The following SMG6 variants were observed in gnomAD, a reference collection of about 807,000 sequenced individuals.
SMG6 encodes the protein SMG6 nonsense mediated mRNA decay factor, also known as telomerase-binding protein EST1A.
Under a neutral mutation model 142.2 loss-of-function variants are expected in SMG6, and 66 were observed. The ratio of observed to expected loss-of-function variants is 0.46; its 90% CI spans 0.38 to 0.57. The LOEUF (loss-of-function observed/expected upper bound fraction) is 0.57. Among genes scored for constraint, SMG6 ranks in the 20% least tolerant of loss-of-function variants. SMG6 has a pLI of 0.00. For synonymous variants in SMG6, 779 were observed against 702.4 expected (o/e 1.11, Z -1.72); for missense variants, 1,793 against 1,832.0 (o/e 0.98, Z 0.39).
In SMG6 at chr17:2,226,633, A is replaced by G. The variant is rs569073792; in HGVS notation, c.2869+9859T>C. Reference sequence around the variant, plus strand: ...AACAAACAAGTGGGGCTGGGCTCACACCTGTAATCCCAGCACTTTGGGAGG... The same window carrying G: ...AACAAACAAGTGGGGCTGGGCTCACGCCTGTAATCCCAGCACTTTGGGAGG... On this transcript the variant is annotated intron_variant, in intron 10 of 18. Transcript: ENST00000263073. 2.0e-5 allele frequency among the ~76,000 whole-genome samples: 3 copies of G among 151,244 alleles called. No homozygotes were observed. The South Asian group carries it at 6.3e-4, about 32-fold the overall frequency.
chr17:2,137,037 G>A (rs1433743766), intron 13 of SMG6, among the ~76,000 whole-genome samples: 2 of 152,052 alleles, frequency 1.3e-5, no homozygotes, highest in African/African-American at 4.8e-5. Context: ...GGTGGCACAC[G>A]CCTGTAGTCC....
At chr17:2,070,488 C>T (rs1022826192) in intron 15 of SMG6, among the ~76,000 whole-genome samples, 4 of 152,222 alleles carry the variant, frequency 2.6e-5, no homozygotes, top group African/African-American at 7.2e-5. Context: ...AGTGGACGTG[C>T]GTGCCAACCG....
At chr17:2,274,435 C>T (rs1235967998) in intron 8 of SMG6, among the ~76,000 whole-genome samples, 2 of 152,020 alleles carry the variant, frequency 1.3e-5, no homozygotes, top group African/African-American at 2.4e-5. Context: ...TGAAAAAAGA[C>T]ATTATGCAAA....
intron 13 of SMG6, among the ~76,000 whole-genome samples, chr17:2,086,253 G>C (rs573560408): frequency 1.2e-4 from 19 of 152,312 alleles, no homozygotes; most frequent in Middle Eastern, 3.4e-3. Flanking sequence ...CCAGCAGAGG[G>C]AAGAGTGGAG....
At position 2,071,997 on chromosome 17, in the gene SMG6, G is replaced by GT. The variant is rs2068115126; in HGVS notation, c.3682-3067dup. The stretch of plus-strand genomic sequence containing the variant: ...CCCATTCCGATCTCTGGGTCGCACG[G>GT]TAAGAGGAGGACACAGGATGCGCAG... On this transcript the variant is annotated intron_variant, in intron 15 of 18. Coordinates refer to ENST00000263073, the MANE Select transcript of SMG6 (RefSeq NM_017575.5). This position sits in a 1 kb window ranked among gnomAD's most constrained non-coding sequence, Gnocchi z 5.6. 6.6e-6 allele frequency: 1 copy of GT among 152,216 alleles called. No homozygotes were observed. Among genetic ancestry groups the GT allele is most frequent in the African/African-American group, 2.4e-5 (1 of 41,434 alleles). 9.4% of individuals were successfully genotyped at this position (152,216 alleles called of 1,614,324 possible).
chr17:2,301,616 G>A (rs2075278686), intron 1 of SMG6, among the ~76,000 whole-genome samples: 1 of 152,186 alleles, frequency 6.6e-6, no homozygotes, highest in African/African-American at 2.4e-5. Context: ...GCCGTGGTGG[G>A]TGGATCACGA....
At chr17:2,112,522 A>T (rs1186465349) in intron 13 of SMG6, among the ~76,000 whole-genome samples, 2 of 92,536 alleles carry the variant, frequency 2.2e-5, no homozygotes, top group African/African-American at 9.8e-5. Flanking sequence ...AAAATAAAAT[A>T]AAAAATAAAT....
In SMG6 at chr17:2,061,583, G is replaced by A. The variant is rs1183815005; in HGVS notation, c.4169C>T (p.Thr1390Met). ...IRLLREVVLL[T>M]DDRNLRVKAL... ...CTTCACACGCAGGTTCCGGTCATCC[G>A]TCAACAGCACCACCTCCCGCAGTAG... Residue 1390 changes from threonine (T) to methionine (M), a missense_variant, in exon 19 of 19, where the codon ACG becomes ATG. By Grantham distance (81) the Thr-to-Met change is moderately conservative. This residue lies in a region of SMG6 where 179 missense variants were observed against 212.6 expected (regional missense o/e 0.84). Transcript: ENST00000263073. The A allele has an allele frequency of 3.8e-6, 6 of 1,572,636 alleles. No homozygotes were observed. Among genetic ancestry groups the A allele is most frequent in the Middle Eastern group, 1.7e-4 (1 of 6,010 alleles).
intron 8 of SMG6, among the ~76,000 whole-genome samples, chr17:2,248,936 G>A (rs1342549239): frequency 1.3e-5 from 2 of 151,972 alleles, no homozygotes; most frequent in South Asian, 4.2e-4. Flanking sequence ...ACCCAGGCTG[G>A]AGTGCAGTGG....
chr17:2,255,587 G>GC (rs1316376494), intron 8 of SMG6: 1 of 156,250 alleles, frequency 6.4e-6, no homozygotes, highest in Non-Finnish European at 1.4e-5. Context: ...CGCCCGGCCA[G>GC]CCGCCCCGTC....
chr17:2,075,473 C>A (rs1383273690), intron 15 of SMG6, among the ~76,000 whole-genome samples: 1 of 152,170 alleles, frequency 6.6e-6, no homozygotes, highest in Non-Finnish European at 1.5e-5. Flanking sequence ...GCTCAGGAAA[C>A]CTGACCCCGC....
chr17:2,061,620 C>A lies in SMG6; in HGVS notation c.4132G>T (p.Glu1378Ter). 4 of 1,570,762 alleles carry A rather than the reference C, an allele frequency of 2.5e-6. No homozygotes were observed. Among genetic ancestry groups the A allele is most frequent in the Non-Finnish European group, 3.5e-6 (4 of 1,157,762 alleles). ...ACCTCCCGCAGTAGCCGGATTGGCT[C>A]CTCTGTGGGCATGAGAGAGCAGAAG... ...AKDFMPASKEEPIRLLREVVL... is the reference protein window; with the variant it reads ...AKDFMPASKE Residue 1378 changes from glutamate to a stop codon, truncating the protein, a stop_gained and splice_region_variant, in exon 19 of 19, where the codon GAG (glutamate) becomes TAG (stop). Coordinates refer to ENST00000263073, the MANE Select transcript of SMG6 (RefSeq NM_017575.5). LOFTEE classifies it high-confidence loss of function.
At chr17:2,141,773 A>C (rs879403204) in intron 13 of SMG6, among the ~76,000 whole-genome samples, 5 of 152,182 alleles carry the variant, frequency 3.3e-5, no homozygotes, top group Non-Finnish European at 2.9e-5. Context: ...TGACTGTCTC[A>C]TAATAGAGTA....
At chr17:2,142,991 T>A (rs1166650046) in intron 13 of SMG6, among the ~76,000 whole-genome samples, 6 of 151,834 alleles carry the variant, frequency 4.0e-5, no homozygotes, top group Admixed American at 3.9e-4. Context: ...ACATCATTAG[T>A]TATTGAGAAA....
At chr17:2,222,514 G>A (rs1006303392) in intron 10 of SMG6, among the ~76,000 whole-genome samples, 1 of 134,608 alleles carries the variant, frequency 7.4e-6, no homozygotes, top group African/African-American at 2.7e-5. Context: ...GGGGAGAACA[G>A]TCGTGAATGA....
At chr17:2,250,969 A>G (rs1297093495) in intron 8 of SMG6, among the ~76,000 whole-genome samples, 1 of 152,146 alleles carries the variant, frequency 6.6e-6, no homozygotes, top group African/African-American at 2.4e-5. Context: ...AGGGTCTCTG[A>G]TGCCAAGGAG....
chr17:2,065,544 C>G lies in SMG6; in HGVS notation c.3971G>C (p.Cys1324Ser). ...GCCACGGCTGGTCAGGGCTCGCAGG[C>G]AAGAGTCCCGACTCTCGAATCGCTG... Reference protein sequence around the residue: ...LEQRFESRDSCLRALTSRGNE... With the variant: ...LEQRFESRDSSLRALTSRGNE... Residue 1324 changes from cysteine to serine, a missense_variant, in exon 17 of 19, where the codon TGC (cysteine) becomes TCC (serine). Transcript: ENST00000263073. 6.2e-7 allele frequency: 1 copy of G among 1,614,024 alleles called. No homozygotes were observed. The highest frequency in any genetic ancestry group is 8.5e-7 in the Non-Finnish European group (1 of 1,180,016).
rs189267471 is a variant in SMG6, at chr17:2,100,761, G to A, written c.3358-14860C>T. 2.0e-5 allele frequency among the ~76,000 whole-genome samples: 3 copies of A among 152,138 alleles called. No individual in the cohort carries two copies. In the East Asian group the frequency reaches 5.8e-4, roughly 29 times the overall value. On this transcript the variant is annotated intron_variant, in intron 13 of 18. Coordinates refer to ENST00000263073, the MANE Select transcript of SMG6 (RefSeq NM_017575.5). Reference sequence around the variant, plus strand: ...GGGGTCTCGCGATATTGAACAGGCTGGTCTTGAACTCCCAGGCTCAAGAGA... The same window carrying A: ...GGGGTCTCGCGATATTGAACAGGCTAGTCTTGAACTCCCAGGCTCAAGAGA...
rs113013695 is a variant in SMG6 at position 2,220,954 on chromosome 17, T to C, written c.2869+15538A>G. Among the ~76,000 whole-genome samples, 393 of 152,318 alleles carry C rather than the reference T, an allele frequency of 2.6e-3. 2 individuals carry two copies. Among genetic ancestry groups the C allele is most frequent in the African/African-American group, 9.0e-3 (374 of 41,568 alleles). On this transcript the variant is annotated intron_variant, in intron 10 of 18. Coordinates refer to ENST00000263073, the MANE Select transcript of SMG6 (RefSeq NM_017575.5). ...TTTAAAAAAAATCATTTAGTTTTCA[T>C]AAATAGGACAGAATTGCTCCAGTTA... is the stretch of plus-strand genomic sequence containing the variant.
Sources: allele counts gnomAD v4.1 joint callset (sites outside exome capture counted in the v4.1 genomes callset), GRCh38; gene constraint gnomAD v4.1.1; regional missense constraint gnomAD v4.1.1; non-coding constraint Gnocchi (gnomAD v3.1); transcripts MANE v1.5; gene names NCBI Gene and HGNC (gene_info 2026-07-23, HGNC 2026-07-21).